NSD3: variants seen among roughly 807,000 people sequenced by gnomAD.
NSD3 encodes histone-lysine N-methyltransferase NSD3.
NSD3 carries 24 observed loss-of-function variants against 160.8 expected under a neutral mutation model. The ratio of observed to expected loss-of-function variants is 0.15; its 90% CI spans 0.11 to 0.21. NSD3 has a LOEUF of 0.21. NSD3 is among the 10% of genes least tolerant of loss of function. The pLI is 1.00. For synonymous variants in NSD3, 520 were observed against 600.0 expected (o/e 0.87, Z 1.95); for missense variants, 1,157 against 1,735.9 (o/e 0.67, Z 5.93).
rs1585881533 is a variant in NSD3, at chr8:38,317,480, G to A, written c.1855+1415C>T. The A allele has an allele frequency of 2.8e-6, 3 of 1,056,178 alleles. No individual in the cohort carries two copies. The highest frequency in any genetic ancestry group is 3.4e-6 in the Non-Finnish European group (3 of 873,570). The allele number at this position is 1,056,178 out of a possible 1,614,324, so 65.4% of individuals were successfully genotyped here. On this transcript the variant is annotated intron_variant, in intron 9 of 23. Coordinates refer to ENST00000317025, the MANE Select transcript of NSD3 (RefSeq NM_023034.2). The surrounding 1 kb of genome is among the most constrained non-coding windows in gnomAD (Gnocchi z 5.3). The stretch of plus-strand genomic sequence containing the variant: ...GGGAAACACAGGTACCGCCATTTCC[G>A]ATGAGTTTCTGAAAATGCTAGAAAA...
chr8:38,311,763 T>C (rs532690654), intron 12 of NSD3, among the ~76,000 whole-genome samples: 52 of 152,354 alleles, frequency 3.4e-4, no homozygotes, highest in African/African-American at 1.3e-3. Flanking sequence ...ATAAGACCCT[T>C]TGGTGTACAA....
At position 38,355,683 on chromosome 8, in the gene NSD3, C is replaced by T. The variant is rs145274341; in HGVS notation, c.-44-7468G>A. Among the ~76,000 whole-genome samples, 285 of 152,184 alleles carry T rather than the reference C, an allele frequency of 1.9e-3. 2 individuals are homozygous for T. The highest frequency in any genetic ancestry group is 6.1e-3 in the African/African-American group (252 of 41,452). On this transcript the variant is annotated intron_variant, in intron 1 of 23. Coordinates refer to ENST00000317025, the MANE Select transcript of NSD3 (RefSeq NM_023034.2). ...TTTCAAATTACTTGGTACAGGCCAT[C>T]AGAAATTCTTAAACCTTTGTCCTAA...
chr8:38,331,425 A>G lies in NSD3; in HGVS notation c.1065+6T>C. The G allele has an allele frequency of 6.3e-7, 1 of 1,591,680 alleles. No individual in the cohort carries two copies. Among genetic ancestry groups the G allele is most frequent in the East Asian group, 2.3e-5 (1 of 44,284 alleles). On this transcript the variant is annotated splice_donor_region_variant and intron_variant, in intron 5 of 23. Transcript: ENST00000317025. ...ACTAGGTAAATAATATTAACATGTTAGTTACCTTTTGTTTCTCAGAGTGAT... is the reference window on the plus strand; with the variant it reads ...ACTAGGTAAATAATATTAACATGTTGGTTACCTTTTGTTTCTCAGAGTGAT...
chr8:38,378,658 CAAAAAA>C (rs766735125), intron 1 of NSD3, among the ~76,000 whole-genome samples: 22 of 151,060 alleles, frequency 1.5e-4, no homozygotes, highest in Non-Finnish European at 2.2e-4. Flanking sequence ...AAAACAAAAA[CAAAAAA>C]ACACAAAAAT....
At position 38,319,319 on chromosome 8, in the gene NSD3, T is replaced by C. The variant is rs1585883101; in HGVS notation, c.1810-379A>G. On this transcript the variant is annotated intron_variant, in intron 8 of 23. Coordinates refer to ENST00000317025, the MANE Select transcript of NSD3 (RefSeq NM_023034.2). This position sits in a 1 kb window ranked among gnomAD's most constrained non-coding sequence, Gnocchi z 4.1. Reference sequence around the variant, plus strand: ...CCGCCCCAAAGACGTTAGGATAAATTTTTACTTACTATGATACTCAGGTTA... The same window carrying C: ...CCGCCCCAAAGACGTTAGGATAAATCTTTACTTACTATGATACTCAGGTTA... 5.4e-6 allele frequency: 1 copy of C among 186,746 alleles called. No homozygotes were observed. Among genetic ancestry groups the C allele is most frequent in the Admixed American group, 6.0e-5 (1 of 16,578 alleles). The allele number at this position is 186,746 out of a possible 1,614,324, so 11.6% of individuals were successfully genotyped here. A position where few individuals can be genotyped will look rare whatever the true frequency, so the allele number is the denominator to read the frequency against.
chr8:38,313,961 T>C lies in NSD3; in HGVS notation c.2242+686A>G, dbSNP rs545060151. Among the ~76,000 whole-genome samples, 87 of 151,904 alleles carry C rather than the reference T, an allele frequency of 5.7e-4. 3 individuals carry two copies. The South Asian group carries it at 0.017, about 30-fold the overall frequency. On this transcript the variant is annotated intron_variant, in intron 12 of 23. Transcript: ENST00000317025. ...ATCAGCATATCATGTACACTTGCTA[T>C]CTGATTGGCTTAGTTCCTCATAGCT...
At chr8:38,302,492 G>C (rs1050120983) in intron 14 of NSD3, among the ~76,000 whole-genome samples, 7 of 152,132 alleles carry the variant, frequency 4.6e-5, no homozygotes, top group Non-Finnish European at 8.8e-5. Context: ...TGCTTAAACA[G>C]GCATTTAAAT....
At chr8:38,372,866 T>G (rs561956433) in intron 1 of NSD3, among the ~76,000 whole-genome samples, 1 of 138,482 alleles carries the variant, frequency 7.2e-6, no homozygotes, top group African/African-American at 2.7e-5. Context: ...GCCTGGCCAA[T>G]ATAGCGAAAC....
intron 12 of NSD3, among the ~76,000 whole-genome samples, chr8:38,307,632 G>C (rs1485993664): frequency 6.6e-6 from 1 of 152,132 alleles, no homozygotes; most frequent in South Asian, 2.1e-4. Flanking sequence ...TAAATAGAAT[G>C]CATCTGTATT....
At chr8:38,380,808 G>A (rs185859887) in intron 1 of NSD3, 2 of 152,264 alleles carry the variant, frequency 1.3e-5, no homozygotes, top group East Asian at 1.9e-4. Context: ...ACTGATGTCG[G>A]AGAGGAAAAG....
At position 38,321,324 on chromosome 8, in the gene NSD3, A is replaced by T; in HGVS notation, c.1709-152T>A. The T allele has an allele frequency of 1.6e-6, 1 of 609,034 alleles. No homozygotes were observed. Among genetic ancestry groups the T allele is most frequent in the South Asian group, 2.4e-5 (1 of 41,140 alleles). 37.7% of individuals were successfully genotyped at this position (609,034 alleles called of 1,614,324 possible). Reference sequence around the variant, plus strand: ...TAAAAAATGCTAAACATTCAGGAGCATATAAATTATTTAACAGATCAAATT... The same window carrying T: ...TAAAAAATGCTAAACATTCAGGAGCTTATAAATTATTTAACAGATCAAATT... On this transcript the variant is annotated intron_variant, in intron 7 of 23. Transcript: ENST00000317025. This position sits in a 1 kb window ranked among gnomAD's most constrained non-coding sequence, Gnocchi z 4.7.
intron 19 of NSD3, among the ~76,000 whole-genome samples, chr8:38,284,579 G>A (rs933131345): frequency 6.6e-6 from 1 of 152,168 alleles, no homozygotes; most frequent in African/African-American, 2.4e-5. Context: ...TAGAGATGGG[G>A]TTTCACTATG....
intron 4 of NSD3, among the ~76,000 whole-genome samples, chr8:38,337,101 CA>C (rs1810236795): frequency 6.8e-6 from 1 of 147,952 alleles, no homozygotes; most frequent in East Asian, 2.0e-4. Flanking sequence ...GAGATTGCGC[CA>C]TTGCACTCCA....
chr8:38,279,857 G>A lies in NSD3; in HGVS notation c.3619-176C>T. On this transcript the variant is annotated intron_variant, in intron 20 of 23. Transcript: ENST00000317025. ...TACTAAGTTCTCTCCTTTATTTGATGACCTTCAAGTCAAAGTAATTAGGAT... is the reference window on the plus strand; with the variant it reads ...TACTAAGTTCTCTCCTTTATTTGATAACCTTCAAGTCAAAGTAATTAGGAT... 4.8e-6 allele frequency: 3 copies of A among 623,698 alleles called. No individual in the cohort carries two copies. In the South Asian group the frequency reaches 7.6e-5, roughly 16 times the overall value. 38.6% of individuals were successfully genotyped at this position (623,698 alleles called of 1,614,324 possible). A position where few individuals can be genotyped will look rare whatever the true frequency, so the allele number is the denominator to read the frequency against.
chr8:38,358,518 T>C (rs1028365272), intron 1 of NSD3, among the ~76,000 whole-genome samples: 3 of 152,180 alleles, frequency 2.0e-5, no homozygotes, highest in Non-Finnish European at 4.4e-5. Context: ...AAACCTAGCA[T>C]GTTTGGCAAT....
At chr8:38,363,639 CAAAAAAA>C (rs768805402) in intron 1 of NSD3, among the ~76,000 whole-genome samples, 1 of 48,708 alleles carries the variant, frequency 2.1e-5, no homozygotes, top group Non-Finnish European at 4.0e-5. Context: ...GACTCCGTCT[CAAAAAAA>C]AAAAAAAAAA....
chr8:38,331,367 T>A, intron 5 of NSD3, 64 bp downstream of exon 5: 1 of 1,421,808 alleles, frequency 7.0e-7, no homozygotes, highest in Non-Finnish European at 9.2e-7. Context: ...GTATGAAAAA[T>A]TCTTCTAAAT....
chr8:38,331,292 A>T, intron 5 of NSD3, 139 bp downstream of exon 5: 2 of 999,582 alleles, frequency 2.0e-6, no homozygotes, highest in Non-Finnish European at 1.4e-6. Context: ...CTAGTCATTT[A>T]CCATTACGAT....
At position 38,329,924 on chromosome 8, in the gene NSD3, C is replaced by T. The variant is rs1810013042; in HGVS notation, c.1066-31G>A. 1.9e-5 allele frequency: 29 copies of T among 1,535,014 alleles called. No individual in the cohort carries two copies. Among genetic ancestry groups the T allele is most frequent in the Non-Finnish European group, 2.4e-5 (28 of 1,150,640 alleles). On this transcript the variant is annotated intron_variant, in intron 5 of 23. Coordinates refer to ENST00000317025, the MANE Select transcript of NSD3 (RefSeq NM_023034.2). This position sits in a 1 kb window ranked among gnomAD's most constrained non-coding sequence, Gnocchi z 4.8. ...AAAAAGATAGAGATTATCAGACATG[C>T]TTTACTCTAATAGGTACATTAAAAT...
Sources: allele counts gnomAD v4.1 joint callset (sites outside exome capture counted in the v4.1 genomes callset), GRCh38; gene constraint gnomAD v4.1.1; non-coding constraint Gnocchi (gnomAD v3.1); transcripts MANE v1.5; gene names NCBI Gene and HGNC (gene_info 2026-07-23, HGNC 2026-07-21).